Variants in HNF4G observed in about 807,000 individuals in gnomAD.
The protein encoded by HNF4G is hepatocyte nuclear factor 4 gamma.
HNF4G carries 21 observed loss-of-function variants against 50.9 expected under a neutral mutation model. That is an observed-to-expected ratio of 0.41 (90% CI 0.29 to 0.59). The LOEUF is 0.59. HNF4G is among the 20% of genes least tolerant of loss of function. HNF4G has a pLI of 0.26. For synonymous variants in HNF4G, 198 were observed against 185.6 expected (o/e 1.07, Z -0.54); for missense variants, 527 against 559.4 (o/e 0.94, Z 0.58).
chr8:75,496,247 G>T (rs1367717963), intron 2 of HNF4G, among the ~76,000 whole-genome samples: 2 of 151,996 alleles, frequency 1.3e-5, no homozygotes, highest in Non-Finnish European at 2.9e-5. Flanking sequence ...AAGATAATTG[G>T]TTTTTAAAAA....
At chr8:75,522,364 A>C (rs1258748257) in intron 2 of HNF4G, among the ~76,000 whole-genome samples, 3 of 152,214 alleles carry the variant, frequency 2.0e-5, no homozygotes, top group Non-Finnish European at 4.4e-5. Flanking sequence ...TGGATTAAAT[A>C]GTTCTTTATA....
At chr8:75,415,009 T>C (rs1026302411) in intron 1 of HNF4G, among the ~76,000 whole-genome samples, 10 of 152,236 alleles carry the variant, frequency 6.6e-5, no homozygotes, top group African/African-American at 2.2e-4. Flanking sequence ...AGAGTTTCAA[T>C]TTCTTTACAG....
chr8:75,529,273 G>C (rs1418015363), intron 2 of HNF4G, among the ~76,000 whole-genome samples: 1 of 151,712 alleles, frequency 6.6e-6, no homozygotes, highest in Non-Finnish European at 1.5e-5. Flanking sequence ...CCTGGGCAAC[G>C]GAGCGAGGTT....
At chr8:75,550,607 T>G (rs1414168251) in intron 3 of HNF4G, among the ~76,000 whole-genome samples, 2 of 152,136 alleles carry the variant, frequency 1.3e-5, no homozygotes, top group African/African-American at 4.8e-5. Flanking sequence ...TTATTCTCTC[T>G]CTGGTAAACA....
At chr8:75,470,826 A>G (rs1812096563) in intron 1 of HNF4G, among the ~76,000 whole-genome samples, 2 of 152,228 alleles carry the variant, frequency 1.3e-5, no homozygotes, top group African/African-American at 4.8e-5. Flanking sequence ...GAGTCACATG[A>G]GACTTTAAAT....
intron 1 of HNF4G, among the ~76,000 whole-genome samples, chr8:75,440,891 TA>T (rs1300608003): frequency 6.6e-6 from 1 of 152,136 alleles, no homozygotes; most frequent in Non-Finnish European, 1.5e-5. Context: ...AGGATCTTGC[TA>T]TATTGCCCAG....
intron 1 of HNF4G, among the ~76,000 whole-genome samples, chr8:75,420,467 T>C (rs1236287358): frequency 6.6e-6 from 1 of 152,238 alleles, no homozygotes; most frequent in Non-Finnish European, 1.5e-5. Flanking sequence ...CTCTTTTACC[T>C]CTTGCAACTC....
At chr8:75,434,002 C>CTTTTTT (rs139429237) in intron 1 of HNF4G, among the ~76,000 whole-genome samples, 61 of 123,220 alleles carry the variant, frequency 5.0e-4, no homozygotes, top group Non-Finnish European at 7.6e-4. Context: ...TGTTTCTTTT[C>CTTTTTT]TTTTTTTTTT....
chr8:75,561,854 G>A (rs1479016852), intron 9 of HNF4G, among the ~76,000 whole-genome samples: 2 of 152,146 alleles, frequency 1.3e-5, no homozygotes, highest in African/African-American at 4.8e-5. Flanking sequence ...GAGATTGTTA[G>A]TAGCTAAGTT....
intron 1 of HNF4G, among the ~76,000 whole-genome samples, chr8:75,448,380 G>T (rs1251549216): frequency 1.4e-5 from 2 of 138,752 alleles, no homozygotes; most frequent in African/African-American, 5.4e-5. Flanking sequence ...GTATACATAT[G>T]TAACTAACCT....
chr8:75,418,973 T>A (rs905730769), intron 1 of HNF4G, among the ~76,000 whole-genome samples: 2 of 152,110 alleles, frequency 1.3e-5, no homozygotes, highest in Admixed American at 6.6e-5. Context: ...GTGATCCGCC[T>A]GCCTCGGCCT....
In HNF4G at chr8:75,431,558, T is replaced by A. The variant is rs77932188; in HGVS notation, c.-144+23396T>A. On this transcript the variant is annotated intron_variant, in intron 1 of 10. Coordinates refer to the HNF4G transcript ENST00000354370. The stretch of plus-strand genomic sequence containing the variant: ...GAGTTAAATTTTCAATTAAAGGAGA[T>A]TATCAGACAGAAAACAAAACACTAC... 9.4e-3 allele frequency among the ~76,000 whole-genome samples: 1,435 copies of A among 152,128 alleles called. 25 individuals are homozygous for A. Among genetic ancestry groups the A allele is most frequent in the African/African-American group, 0.032 (1,319 of 41,502 alleles).
intron 1 of HNF4G, among the ~76,000 whole-genome samples, chr8:75,451,562 A>G (rs533278689): frequency 6.6e-6 from 1 of 151,572 alleles, no homozygotes; most frequent in South Asian, 2.1e-4. Flanking sequence ...CTGCATGTGA[A>G]CATTCAGTTT....
At chr8:75,468,443 C>A (rs138987894) in intron 1 of HNF4G, among the ~76,000 whole-genome samples, 41 of 152,244 alleles carry the variant, frequency 2.7e-4, no homozygotes, top group African/African-American at 9.4e-4. Flanking sequence ...TGCCTGTAAT[C>A]CCAGCACTTT....
intron 2 of HNF4G, among the ~76,000 whole-genome samples, chr8:75,534,578 A>C (rs1806411844): frequency 6.6e-6 from 1 of 151,878 alleles, no homozygotes; most frequent in African/African-American, 2.4e-5. Context: ...TAAATAACGT[A>C]GTGTTTTAAT....
chr8:75,481,012 C>T (rs1356229498), intron 1 of HNF4G, among the ~76,000 whole-genome samples: 1 of 152,086 alleles, frequency 6.6e-6, no homozygotes, highest in African/African-American at 2.4e-5. Context: ...CCACTGGTCC[C>T]GGCCGGATCT....
intron 1 of HNF4G, among the ~76,000 whole-genome samples, chr8:75,448,284 G>A (rs1201933847): frequency 8.7e-6 from 1 of 115,530 alleles, no homozygotes; most frequent in East Asian, 2.8e-4. Context: ...GGACTGTGGT[G>A]GGGTGGGGGG....
chr8:75,473,883 A>C (rs142698716), intron 1 of HNF4G, among the ~76,000 whole-genome samples: 125 of 152,272 alleles, frequency 8.2e-4, no homozygotes, highest in African/African-American at 2.9e-3. Context: ...TGAATGTGTG[A>C]TGACAAAATG....
intron 1 of HNF4G, among the ~76,000 whole-genome samples, chr8:75,480,327 C>T (rs1563522931): frequency 6.6e-6 from 1 of 152,164 alleles, no homozygotes; most frequent in African/African-American, 2.4e-5. Flanking sequence ...ATATTGAGTG[C>T]CCAAAGTGTC....
Sources: allele counts gnomAD v4.1 joint callset (sites outside exome capture counted in the v4.1 genomes callset), GRCh38; gene constraint gnomAD v4.1.1; transcripts MANE v1.5; gene names NCBI Gene and HGNC (gene_info 2026-07-23, HGNC 2026-07-21).